Variants in CLIC5 observed in about 807,000 individuals in gnomAD.
CLIC5 encodes CLIC family member 5.
In CLIC5, 20 loss-of-function variants were observed where a neutral mutation model predicts 24.7. That is an observed-to-expected ratio of 0.81 (90% confidence interval 0.57 to 1.18). The LOEUF is 1.18. CLIC5 is among the 50% of genes most tolerant of loss of function. CLIC5 has a pLI of 0.00. For synonymous variants in CLIC5, 159 were observed against 135.6 expected, an observed-to-expected ratio of 1.17 and a Z score of -1.20; for missense variants, 341 against 326.1, an observed-to-expected ratio of 1.05 and a Z score of -0.35.
At chr6:45,942,674 C>G (rs943936248) in intron 3 of CLIC5, among the ~76,000 whole-genome samples, 3 of 152,106 alleles carry the variant, frequency 2.0e-5, no homozygotes, top group Non-Finnish European at 4.4e-5. Flanking sequence ...TTTGATAGTT[C>G]GAACCAAACA....
chr6:46,082,570 A>C (rs1762947031), upstream of CLIC5, among the ~76,000 whole-genome samples: 1 of 152,178 alleles, frequency 6.6e-6, no homozygotes, highest in Non-Finnish European at 1.5e-5. Flanking sequence ...CCTTGTTTCT[A>C]TACCTGGAAC....
At chr6:46,065,186 C>T (rs368161280) in intron 1 of CLIC5, among the ~76,000 whole-genome samples, 8 of 152,058 alleles carry the variant, frequency 5.3e-5, no homozygotes, top group African/African-American at 1.7e-4. Context: ...CCTAATTAGT[C>T]ACTAGAAAAA....
At chr6:45,897,919 G>A (rs891614947), downstream of CLIC5, among the ~76,000 whole-genome samples, 7 of 151,756 alleles carry the variant, frequency 4.6e-5, no homozygotes, top group African/African-American at 9.7e-5. Flanking sequence ...AAGAGCATCA[G>A]TATAATTTTT....
At chr6:46,069,439 C>T (rs1486770056) in intron 1 of CLIC5, among the ~76,000 whole-genome samples, 1 of 152,074 alleles carries the variant, frequency 6.6e-6, no homozygotes, top group Non-Finnish European at 1.5e-5. Context: ...CACCCCTATG[C>T]ACACAAATGA....
At chr6:45,891,045 T>C (rs1389488832) in intron 6 of CLIC5, among the ~76,000 whole-genome samples, 3 of 152,182 alleles carry the variant, frequency 2.0e-5, no homozygotes, top group Admixed American at 2.0e-4. Context: ...TAATGTATAT[T>C]TCAAAATAGC....
At chr6:45,978,951 A>G (rs1475990857) in intron 1 of CLIC5, among the ~76,000 whole-genome samples, 1 of 20,234 alleles carries the variant, frequency 4.9e-5, no homozygotes, top group East Asian at 4.9e-4. Flanking sequence ...ACTCCATTAA[A>G]AAAAAAAAAA....
At chr6:45,925,721 C>G (rs1763457865) in intron 4 of CLIC5, among the ~76,000 whole-genome samples, 1 of 152,166 alleles carries the variant, frequency 6.6e-6, no homozygotes, top group Non-Finnish European at 1.5e-5. Context: ...ATGAAGGACC[C>G]TAAAATCATG....
chr6:45,912,372 G>C, intron 5 of CLIC5: 1 of 1,069,376 alleles, frequency 9.4e-7, no homozygotes, highest in Non-Finnish European at 1.1e-6. Flanking sequence ...GGGCTTCACT[G>C]AGTAATTTAA....
intron 1 of CLIC5, among the ~76,000 whole-genome samples, chr6:46,005,933 G>C (rs1022404838): frequency 6.8e-6 from 1 of 146,766 alleles, no homozygotes; most frequent in African/African-American, 2.5e-5. Context: ...CTAGTTCATG[G>C]CATTTTGTCA....
intron 1 of CLIC5, among the ~76,000 whole-genome samples, chr6:46,000,083 A>T (rs1030909122): frequency 2.6e-5 from 4 of 152,168 alleles, no homozygotes; most frequent in Non-Finnish European, 5.9e-5. Flanking sequence ...ATTTTCTGTT[A>T]TCTCCTTACT....
At chr6:46,051,160 C>T (rs1768092032) in intron 1 of CLIC5, among the ~76,000 whole-genome samples, 1 of 152,204 alleles carries the variant, frequency 6.6e-6, no homozygotes. Flanking sequence ...ACTCTTTCCT[C>T]TCTTGCACTT....
At chr6:45,949,190 C>G in intron 3 of CLIC5, 66 bp downstream of exon 3, 1 of 1,549,476 alleles carries the variant, frequency 6.5e-7, no homozygotes, top group South Asian at 1.2e-5. Context: ...AAGTTAACAC[C>G]AGGACTTTAT....
At chr6:45,915,717 C>T (rs1291469039) in intron 4 of CLIC5, among the ~76,000 whole-genome samples, 2 of 152,108 alleles carry the variant, frequency 1.3e-5, no homozygotes, top group Admixed American at 6.5e-5. Flanking sequence ...TATTTAGACA[C>T]AAAAGCAGAC....
At chr6:46,020,692 A>G (rs1767151599), upstream of CLIC5, among the ~76,000 whole-genome samples, 1 of 152,072 alleles carries the variant, frequency 6.6e-6, no homozygotes, top group South Asian at 2.1e-4. Context: ...TAGATTTACC[A>G]AAAAACTAGA....
At chr6:45,993,377 T>C (rs922405607) in intron 1 of CLIC5, among the ~76,000 whole-genome samples, 1 of 152,230 alleles carries the variant, frequency 6.6e-6, no homozygotes, top group African/African-American at 2.4e-5. Flanking sequence ...AAGACTTTAT[T>C]CAACAATCAA....
intron 1 of CLIC5, among the ~76,000 whole-genome samples, chr6:46,035,035 T>C (rs1297204832): frequency 1.3e-5 from 2 of 152,248 alleles, no homozygotes; most frequent in African/African-American, 4.8e-5. Flanking sequence ...AATAGGTGCC[T>C]GACACATTAA....
downstream of CLIC5, among the ~76,000 whole-genome samples, chr6:45,895,342 T>G (rs1471693143): frequency 6.6e-6 from 1 of 152,202 alleles, no homozygotes; most frequent in African/African-American, 2.4e-5. Flanking sequence ...ACTAAATTAT[T>G]AACTCATCAA....
rs1766356804 is a variant in CLIC5, at chr6:46,001,473, G to A, written c.63+14007C>T. On this transcript the variant is annotated intron_variant, in intron 1 of 5. Transcript: ENST00000339561. ...CTGCTTAGTGCCTTCCTGATACCAG[G>A]TCCCTTGGCTTGGAGCTCCCATAGC... is the stretch of plus-strand genomic sequence containing the variant. Among the ~76,000 whole-genome samples, 5 of 152,204 alleles carry A rather than the reference G, an allele frequency of 3.3e-5. No homozygotes were observed. In the South Asian group the frequency reaches 1.0e-3, roughly 32 times the overall value.
chr6:46,114,374 G>A, the CLIC5 span, among the ~76,000 whole-genome samples: 2 of 152,070 alleles, frequency 1.3e-5, no homozygotes, highest in South Asian at 2.1e-4. Context: ...GCTCATTACC[G>A]TCACCCCCAG....
Sources: allele counts gnomAD v4.1 joint callset (sites outside exome capture counted in the v4.1 genomes callset), GRCh38; gene constraint gnomAD v4.1.1; transcripts MANE v1.5; gene names NCBI Gene and HGNC (gene_info 2026-07-23, HGNC 2026-07-21).